Variants in HIKESHI observed in about 807,000 individuals in gnomAD.
The protein encoded by HIKESHI is protein Hikeshi.
Under a neutral mutation model 25.7 loss-of-function variants are expected in HIKESHI, and 13 were observed. The ratio of observed to expected loss-of-function variants is 0.51; its 90% CI spans 0.33 to 0.80. The LOEUF (loss-of-function observed/expected upper bound fraction) is 0.80. HIKESHI is among the 30% of genes least tolerant of loss of function. The probability of loss-of-function intolerance (pLI) is 0.02; values close to 1 mark genes in which losing one functional copy is unlikely to be tolerated. For synonymous variants in HIKESHI, 76 were observed against 78.7 expected (o/e 0.97, Z 0.18); for missense variants, 174 against 229.5 (o/e 0.76, Z 1.56).
At position 86,337,611 on chromosome 11, in the gene HIKESHI, TA is replaced by T. The variant is rs1425849809; in HGVS notation, c.420+82del. On this transcript the variant is annotated intron_variant, in intron 3 of 4. Coordinates refer to ENST00000278483, the MANE Select transcript of HIKESHI (RefSeq NM_016401.4). Reference sequence around the variant, plus strand: ...TAATATACAAGTTAAAATCGTAACTTAGGGTATACAATGTGATGTTTTTGAT... The same window carrying T: ...TAATATACAAGTTAAAATCGTAACTTGGGTATACAATGTGATGTTTTTGAT... The T allele has an allele frequency of 3.6e-6, 5 of 1,374,292 alleles. No individual in the cohort carries two copies. In the African/African-American group the frequency reaches 7.4e-5, roughly 20 times the overall value. The allele number at this position is 1,374,292 out of a possible 1,614,324, so 85.1% of individuals were successfully genotyped here. A position where few individuals can be genotyped will look rare whatever the true frequency, so the allele number is the denominator to read the frequency against.
intron 2 of HIKESHI, among the ~76,000 whole-genome samples, chr11:86,334,819 T>C (rs1190386623): frequency 6.6e-6 from 1 of 152,156 alleles, no homozygotes; most frequent in African/African-American, 2.4e-5. Flanking sequence ...TGGCTAACTT[T>C]TGTAGAGATG....
intron 3 of HIKESHI, among the ~76,000 whole-genome samples, chr11:86,339,191 G>A (rs976564379): frequency 6.1e-5 from 9 of 147,586 alleles, no homozygotes; most frequent in Non-Finnish European, 1.3e-4. Context: ...GACTACACGT[G>A]CCCGCCACCA....
intron 2 of HIKESHI, among the ~76,000 whole-genome samples, chr11:86,307,028 TAA>T (rs1946645297): frequency 7.0e-6 from 1 of 143,618 alleles, no homozygotes; most frequent in Non-Finnish European, 1.5e-5. Context: ...TATATATATA[TAA>T]ATATATATAT....
chr11:86,333,926 T>C (rs986902399), intron 2 of HIKESHI, among the ~76,000 whole-genome samples: 1 of 151,766 alleles, frequency 6.6e-6, no homozygotes, highest in Non-Finnish European at 1.5e-5. Flanking sequence ...AGCTTTCAGG[T>C]ATTATATTAT....
intron 2 of HIKESHI, among the ~76,000 whole-genome samples, chr11:86,313,785 C>G (rs568161362): frequency 5.1e-4 from 77 of 152,156 alleles, no homozygotes; most frequent in African/African-American, 1.8e-3. Context: ...GCAATTAACT[C>G]GTAAGTGGGT....
At chr11:86,332,873 A>G (rs372021105) in intron 2 of HIKESHI, among the ~76,000 whole-genome samples, 1 of 152,256 alleles carries the variant, frequency 6.6e-6, no homozygotes, top group African/African-American at 2.4e-5. Context: ...TTGGTTTGTC[A>G]TTGCATTAAC....
At chr11:86,317,469 C>G (rs1947018095) in intron 2 of HIKESHI, among the ~76,000 whole-genome samples, 1 of 152,116 alleles carries the variant, frequency 6.6e-6, no homozygotes, top group Non-Finnish European at 1.5e-5. Context: ...AAACCAAAAT[C>G]TGGTTCTTTG....
intron 3 of HIKESHI, among the ~76,000 whole-genome samples, chr11:86,340,208 CAT>C (rs1215980471): frequency 6.6e-6 from 1 of 152,170 alleles, no homozygotes; most frequent in Non-Finnish European, 1.5e-5. Flanking sequence ...CCGCAGTAAA[CAT>C]ATGTGTGCAT....
intron 3 of HIKESHI, among the ~76,000 whole-genome samples, chr11:86,339,400 A>G (rs1947661119): frequency 6.6e-6 from 1 of 152,238 alleles, no homozygotes; most frequent in African/African-American, 2.4e-5. Context: ...ACAAAATAGA[A>G]TAACACCTGT....
intron 2 of HIKESHI, among the ~76,000 whole-genome samples, chr11:86,313,495 G>A (rs291198): frequency 0.12 from 18,059 of 152,170 alleles, 1,455 homozygotes; most frequent in East Asian, 0.23. Flanking sequence ...GCCTCCCAAA[G>A]TGCTGGGATT....
chr11:86,327,338 G>A (rs554526297), intron 2 of HIKESHI, among the ~76,000 whole-genome samples: 4 of 150,900 alleles, frequency 2.7e-5, no homozygotes, highest in African/African-American at 9.7e-5. Flanking sequence ...TTTTTGAGAC[G>A]GAGTCTCGCT....
intron 2 of HIKESHI, among the ~76,000 whole-genome samples, chr11:86,308,717 C>T (rs971803684): frequency 2.6e-5 from 4 of 151,980 alleles, no homozygotes; most frequent in East Asian, 1.9e-4. Flanking sequence ...TATCCCTCCC[C>T]ACTCCCCACA....
intron 2 of HIKESHI, among the ~76,000 whole-genome samples, chr11:86,331,198 AC>A (rs1565737269): frequency 1.3e-5 from 2 of 152,142 alleles, no homozygotes; most frequent in Non-Finnish European, 2.9e-5. Context: ...GTTAGAAATT[AC>A]CCAGATAGGG....
intron 2 of HIKESHI, among the ~76,000 whole-genome samples, chr11:86,329,577 T>C (rs868291146): frequency 3.1e-3 from 72 of 22,944 alleles, no homozygotes; most frequent in Middle Eastern, 0.03. Flanking sequence ...GTGATTTCTT[T>C]TTTTTTTTTT....
intron 2 of HIKESHI, among the ~76,000 whole-genome samples, chr11:86,308,317 A>G (rs1426482357): frequency 1.3e-5 from 1 of 79,148 alleles, no homozygotes; most frequent in African/African-American, 5.5e-5. Context: ...TATATATAAA[A>G]TATATATTAC....
intron 1 of HIKESHI, among the ~76,000 whole-genome samples, chr11:86,305,098 C>G (rs1946588326): frequency 6.6e-6 from 1 of 152,178 alleles, no homozygotes; most frequent in Non-Finnish European, 1.5e-5. Flanking sequence ...ATCCTGGGTT[C>G]AAGTGATTAT....
chr11:86,334,161 C>T (rs1438591011), intron 2 of HIKESHI, among the ~76,000 whole-genome samples: 2 of 151,938 alleles, frequency 1.3e-5, no homozygotes, highest in African/African-American at 2.4e-5. Flanking sequence ...ATTTGCTGTA[C>T]TTAAATACTT....
At chr11:86,337,855 G>T (rs1296125314) in intron 3 of HIKESHI, among the ~76,000 whole-genome samples, 2 of 151,928 alleles carry the variant, frequency 1.3e-5, no homozygotes, top group Admixed American at 6.6e-5. Context: ...TAGAGACAGG[G>T]TATTGCCATG....
At chr11:86,312,175 T>C (rs540903056) in intron 2 of HIKESHI, among the ~76,000 whole-genome samples, 1 of 152,298 alleles carries the variant, frequency 6.6e-6, no homozygotes, top group Admixed American at 6.5e-5. Flanking sequence ...AAGTCTCCCA[T>C]TATCATTGTG....
Sources: allele counts gnomAD v4.1 joint callset (sites outside exome capture counted in the v4.1 genomes callset), GRCh38; gene constraint gnomAD v4.1.1; transcripts MANE v1.5; gene names NCBI Gene and HGNC (gene_info 2026-07-23, HGNC 2026-07-21).